Variants in APBA2 observed in about 807,000 individuals in gnomAD.
The protein encoded by APBA2 is amyloid-beta A4 precursor protein-binding family A member 2.
Under a neutral mutation model 75.0 loss-of-function variants are expected in APBA2, and 30 were observed. That is an observed-to-expected ratio of 0.40 (90% CI 0.30 to 0.54). APBA2 has a LOEUF of 0.54. Among genes scored for constraint, APBA2 ranks in the 20% least tolerant of loss-of-function variants. The pLI, the probability that APBA2 is intolerant of heterozygous loss-of-function variation, is 0.49. For missense variants in APBA2, 801 were observed against 1,016.1 expected, an observed-to-expected ratio of 0.79 and a Z score of 2.88; for synonymous variants, 444 against 409.6, an observed-to-expected ratio of 1.08 and a Z score of -1.01.
intron 9 of APBA2, among the ~76,000 whole-genome samples, chr15:29,099,911 G>C (rs375741714): frequency 6.6e-6 from 1 of 152,228 alleles, no homozygotes; most frequent in African/African-American, 2.4e-5. Context: ...GTGAAGGAGA[G>C]ATGAGAAATC....
At chr15:29,098,048 A>G (rs931738315) in intron 8 of APBA2, among the ~76,000 whole-genome samples, 2 of 152,146 alleles carry the variant, frequency 1.3e-5, no homozygotes, top group African/African-American at 4.8e-5. Context: ...TTATCCATTC[A>G]TCGTGAATGG....
intron 1 of APBA2, among the ~76,000 whole-genome samples, chr15:28,908,514 G>A (rs2033258138): frequency 6.6e-6 from 1 of 151,966 alleles, no homozygotes; most frequent in African/African-American, 2.4e-5. Flanking sequence ...GTTTCACCAT[G>A]TTAGCCAGAT....
intron 3 of APBA2, among the ~76,000 whole-genome samples, chr15:28,998,937 G>A (rs1402519949): frequency 9.2e-5 from 14 of 152,194 alleles, no homozygotes; most frequent in African/African-American, 3.1e-4. Flanking sequence ...ACCTGAGGTC[G>A]GGAGTTCGAG....
At chr15:28,925,328 G>C (rs1301568802) in intron 2 of APBA2, among the ~76,000 whole-genome samples, 2 of 152,176 alleles carry the variant, frequency 1.3e-5, no homozygotes, top group African/African-American at 4.8e-5. Context: ...AGAGGCAGTG[G>C]TATGTCATTT....
At chr15:29,044,153 T>C (rs1431811490) in intron 3 of APBA2, among the ~76,000 whole-genome samples, 1 of 152,248 alleles carries the variant, frequency 6.6e-6, no homozygotes, top group South Asian at 2.1e-4. Context: ...TTGTGGTCAC[T>C]GAATAGCTAT....
intron 3 of APBA2, among the ~76,000 whole-genome samples, chr15:29,041,076 T>C (rs2041018342): frequency 6.6e-6 from 1 of 152,098 alleles, no homozygotes; most frequent in South Asian, 2.1e-4. Context: ...GTAAAAATAT[T>C]ACTGGATGAG....
At chr15:28,932,942 C>T (rs2034640702) in intron 2 of APBA2, among the ~76,000 whole-genome samples, 1 of 152,046 alleles carries the variant, frequency 6.6e-6, no homozygotes, top group Admixed American at 6.6e-5. Context: ...CATTATTTGG[C>T]TCAGAGTTCT....
intron 3 of APBA2, among the ~76,000 whole-genome samples, chr15:29,045,445 C>T (rs1325996871): frequency 6.6e-6 from 1 of 151,908 alleles, no homozygotes; most frequent in Non-Finnish European, 1.5e-5. Flanking sequence ...CTCATGACCT[C>T]ATCACTCCCC....
At chr15:29,067,253 A>G (rs1010672086) in intron 4 of APBA2, among the ~76,000 whole-genome samples, 36 of 152,308 alleles carry the variant, frequency 2.4e-4, no homozygotes, top group African/African-American at 7.2e-4. Context: ...GGCAGGGACA[A>G]ATATCCAAAC....
intron 9 of APBA2, among the ~76,000 whole-genome samples, chr15:29,100,088 A>G (rs1255877624): frequency 1.3e-5 from 2 of 152,224 alleles, no homozygotes; most frequent in Non-Finnish European, 2.9e-5. Flanking sequence ...CAAAGTAGCC[A>G]TTCAGAGCAG....
Position 29,101,702 on chromosome 15 carries a change from A to G in APBA2, c.1442A>G (p.Gln481Arg), listed in dbSNP as rs2044133617. The change falls in exon 10 of 15, where the codon CAG becomes CGG. Residue 481 changes from glutamine (Q) to arginine (R), a missense_variant. By Grantham distance (43) the Gln-to-Arg change is conservative. Around this residue, in one of 2 missense-constraint regions of APBA2, gnomAD observed 367 missense variants for 544.5 expected, o/e 0.67. Transcript: ENST00000683413. ...CGCCGCATGCCCCGGTCAGCCTCTCAGGACTGCATCGAGACCACGCCCGGG... is the reference window on the plus strand; with the variant it reads ...CGCCGCATGCCCCGGTCAGCCTCTCGGGACTGCATCGAGACCACGCCCGGG... ...ARRRMPRSAS[Q>R]DCIETTPGAQ... The G allele has an allele frequency of 6.2e-7, 1 of 1,613,730 alleles. No individual in the cohort carries two copies. Among genetic ancestry groups the G allele is most frequent in the East Asian group, 2.2e-5 (1 of 44,878 alleles).
chr15:29,096,682 G>A (rs1033030041), intron 8 of APBA2, among the ~76,000 whole-genome samples: 4 of 152,238 alleles, frequency 2.6e-5, no homozygotes, highest in Middle Eastern at 3.4e-3. Flanking sequence ...TTACAATACC[G>A]GGCCTCTCTA....
At chr15:28,923,812 G>A (rs2034106731) in intron 2 of APBA2, among the ~76,000 whole-genome samples, 1 of 152,126 alleles carries the variant, frequency 6.6e-6, no homozygotes. Flanking sequence ...CAGTGCTTGG[G>A]CCTTTTGGGG....
chr15:29,100,295 C>T (rs1271020439), intron 9 of APBA2, among the ~76,000 whole-genome samples: 2 of 152,172 alleles, frequency 1.3e-5, no homozygotes, highest in Non-Finnish European at 2.9e-5. Context: ...GAAGGTGACT[C>T]TTGTGGTTAT....
intron 2 of APBA2, among the ~76,000 whole-genome samples, chr15:28,928,977 C>G (rs1368528190): frequency 6.6e-6 from 1 of 152,120 alleles, no homozygotes; most frequent in African/African-American, 2.4e-5. Flanking sequence ...GGCTGTGTCT[C>G]TAGATTTCAG....
chr15:28,970,504 CCTGT>C (rs941014943), intron 2 of APBA2: 1 of 147,986 alleles, frequency 6.8e-6, no homozygotes, highest in Non-Finnish European at 1.5e-5. Flanking sequence ...ATAGTGAGAC[CCTGT>C]CTTTCTAAAA....
At chr15:29,020,084 C>T (rs965379149) in intron 3 of APBA2, among the ~76,000 whole-genome samples, 7 of 152,114 alleles carry the variant, frequency 4.6e-5, no homozygotes, top group African/African-American at 1.2e-4. Context: ...GGTCAATTTC[C>T]CTTTTGTAAT....
intron 4 of APBA2, among the ~76,000 whole-genome samples, chr15:29,069,609 T>C (rs2042531022): frequency 1.3e-5 from 2 of 152,246 alleles, no homozygotes; most frequent in Non-Finnish European, 2.9e-5. Context: ...TTCATGTGTG[T>C]GTCTGTTTAT....
At chr15:29,044,467 G>A (rs2041204586) in intron 3 of APBA2, 1 of 152,150 alleles carries the variant, frequency 6.6e-6, no homozygotes, top group Non-Finnish European at 1.5e-5. Context: ...TTGCTTTCCA[G>A]ATGGTGTGTT....
Sources: allele counts gnomAD v4.1 joint callset (sites outside exome capture counted in the v4.1 genomes callset), GRCh38; gene constraint gnomAD v4.1.1; regional missense constraint gnomAD v4.1.1; transcripts MANE v1.5; gene names NCBI Gene and HGNC (gene_info 2026-07-23, HGNC 2026-07-21).